Variants in PALM2AKAP2 observed in about 807,000 individuals in gnomAD.
The protein encoded by PALM2AKAP2 is PALM2-AKAP2 fusion protein.
PALM2AKAP2 carries 37 observed loss-of-function variants against 71.5 expected under a neutral mutation model. The observed-to-expected ratio is 0.52, with a 90% CI of 0.40 to 0.68. The LOEUF is 0.68. PALM2AKAP2 is among the 30% of genes least tolerant of loss of function. The pLI, the probability that PALM2AKAP2 is intolerant of heterozygous loss-of-function variation, is 0.00. For synonymous variants in PALM2AKAP2, 468 were observed against 478.8 expected, an observed-to-expected ratio of 0.98 and a Z score of 0.29; for missense variants, 1,224 against 1,191.8, an observed-to-expected ratio of 1.03 and a Z score of -0.40.
chr9:109,898,417 T>A (rs1335888375), intron 3 of PALM2AKAP2, among the ~76,000 whole-genome samples: 1 of 152,214 alleles, frequency 6.6e-6, no homozygotes, highest in African/African-American at 2.4e-5. Context: ...AAAACACATT[T>A]TTTTTCAGAG....
At chr9:109,722,804 T>C (rs985908717) in intron 1 of PALM2AKAP2, among the ~76,000 whole-genome samples, 1 of 152,114 alleles carries the variant, frequency 6.6e-6, no homozygotes, top group Admixed American at 6.6e-5. Context: ...ACACTTTAAA[T>C]TTTAAAATTC....
intron 1 of PALM2AKAP2, among the ~76,000 whole-genome samples, chr9:110,113,991 C>T (rs1268574845): frequency 6.6e-6 from 1 of 152,250 alleles, no homozygotes; most frequent in African/African-American, 2.4e-5. Flanking sequence ...CAGCTGCCTT[C>T]ACATTCTGTC....
At chr9:110,114,767 A>G (rs572919701) in intron 1 of PALM2AKAP2, among the ~76,000 whole-genome samples, 2 of 152,324 alleles carry the variant, frequency 1.3e-5, no homozygotes, top group East Asian at 3.9e-4. Context: ...GAGGCTTTGC[A>G]AGCAAATGGC....
rs75198209 is a variant in PALM2AKAP2, at chr9:109,770,746, G to A, written c.6-9742G>A. Among the ~76,000 whole-genome samples the A allele has an allele frequency of 4.8e-3, 737 of 152,262 alleles. 7 individuals are homozygous for A. Among genetic ancestry groups the A allele is most frequent in the African/African-American group, 0.017 (701 of 41,532 alleles). On this transcript the variant is annotated intron_variant, in intron 1 of 6. Transcript: ENST00000374531. The stretch of plus-strand genomic sequence containing the variant: ...CTCAGGAGTTTTTACTGGAACACAG[G>A]CATGTAGAAACACATCTAGAAGGAT...
intron 2 of PALM2AKAP2, among the ~76,000 whole-genome samples, chr9:109,875,985 A>G (rs1221971666): frequency 6.6e-6 from 1 of 152,130 alleles, no homozygotes; most frequent in Non-Finnish European, 1.5e-5. Context: ...ACAAATGTGA[A>G]GTTTGACAGT....
intron 1 of PALM2AKAP2, among the ~76,000 whole-genome samples, chr9:109,746,333 A>C (rs1411355244): frequency 6.6e-6 from 1 of 152,234 alleles, no homozygotes; most frequent in East Asian, 1.9e-4. Context: ...AAAGCTAGCC[A>C]GATAACTCCA....
At chr9:109,706,316 T>C (rs971346878) in intron 1 of PALM2AKAP2, among the ~76,000 whole-genome samples, 5 of 152,106 alleles carry the variant, frequency 3.3e-5, no homozygotes, top group Admixed American at 6.5e-5. Context: ...ATTTTTTTGA[T>C]ATTCACTACC....
intron 1 of PALM2AKAP2, among the ~76,000 whole-genome samples, chr9:109,748,337 C>T (rs535209385): frequency 9.2e-5 from 14 of 152,184 alleles, no homozygotes; most frequent in African/African-American, 3.1e-4. Flanking sequence ...GTTTCTCATT[C>T]CCAAAAGGAC....
intron 1 of PALM2AKAP2, among the ~76,000 whole-genome samples, chr9:109,726,851 C>G (rs1010912307): frequency 6.6e-6 from 1 of 152,214 alleles, no homozygotes; most frequent in African/African-American, 2.4e-5. Context: ...AGTTTCTCAG[C>G]AACTCTAGCC....
In PALM2AKAP2 at chr9:110,126,093, A is replaced by G. The variant is rs564434746; in HGVS notation, c.157-10034A>G. 2.6e-5 allele frequency among the ~76,000 whole-genome samples: 4 copies of G among 151,666 alleles called. No homozygotes were observed. The East Asian group carries it at 7.8e-4, about 29-fold the overall frequency. Reference sequence around the variant, plus strand: ...CATTCACAGGGTGGCCTGGGGGAATATGGTTTTGGGGGGAATGTGTGGTGC... The same window carrying G: ...CATTCACAGGGTGGCCTGGGGGAATGTGGTTTTGGGGGGAATGTGTGGTGC... On this transcript the variant is annotated intron_variant, in intron 1 of 3. Coordinates refer to ENST00000374525, the Ensembl canonical transcript of PALM2AKAP2.
intron 1 of PALM2AKAP2, among the ~76,000 whole-genome samples, chr9:110,132,900 A>G (rs184577224): frequency 3.3e-5 from 5 of 152,336 alleles, no homozygotes; most frequent in Non-Finnish European, 7.3e-5. Flanking sequence ...ATGAGCTATT[A>G]TTGCACCCTG....
At chr9:110,072,152 C>A (rs1302009414) in intron 1 of PALM2AKAP2, among the ~76,000 whole-genome samples, 1 of 151,956 alleles carries the variant, frequency 6.6e-6, no homozygotes, top group Non-Finnish European at 1.5e-5. Flanking sequence ...AACTACATTC[C>A]AATATAAAGC....
At chr9:109,943,608 G>A in intron 6 of PALM2AKAP2, 1 of 770,994 alleles carries the variant, frequency 1.3e-6, no homozygotes, top group South Asian at 1.9e-5. Context: ...ACGTGCATGT[G>A]TGTGCTTCAT....
chr9:110,047,416 G>A (rs551390258), upstream of PALM2AKAP2, among the ~76,000 whole-genome samples: 1 of 152,262 alleles, frequency 6.6e-6, no homozygotes, highest in East Asian at 1.9e-4. Context: ...AGTTCCCAAG[G>A]GTATCATTTC....
At chr9:109,837,101 A>G (rs1188064711) in intron 1 of PALM2AKAP2, among the ~76,000 whole-genome samples, 1 of 152,222 alleles carries the variant, frequency 6.6e-6, no homozygotes, top group African/African-American at 2.4e-5. Flanking sequence ...GTTGAAATGA[A>G]GGAAAAAATG....
At chr9:109,776,434 A>G (rs1458007473), upstream of PALM2AKAP2, among the ~76,000 whole-genome samples, 1 of 152,248 alleles carries the variant, frequency 6.6e-6, no homozygotes, top group African/African-American at 2.4e-5. Context: ...TAGATAGCTC[A>G]CAGGAGAGAT....
chr9:109,889,139 T>C (rs1028286396), intron 3 of PALM2AKAP2, among the ~76,000 whole-genome samples: 12 of 152,216 alleles, frequency 7.9e-5, no homozygotes, highest in Admixed American at 4.6e-4. Flanking sequence ...TTTCAGTTAC[T>C]TGAAAATAAA....
intron 1 of PALM2AKAP2, 104 bp from the exon 2 acceptor site, chr9:109,867,387 A>G (rs1829480769): frequency 7.6e-7 from 1 of 1,319,580 alleles, no homozygotes; most frequent in East Asian, 2.4e-5. Context: ...TGTCTCTGGA[A>G]GTGTCTATAC....
At chr9:109,953,834 CAAAAAAAA>C (rs34719180) in intron 6 of PALM2AKAP2, among the ~76,000 whole-genome samples, 2 of 48,628 alleles carry the variant, frequency 4.1e-5, no homozygotes, top group East Asian at 5.2e-4. Context: ...GACTCCATCT[CAAAAAAAA>C]AAAAAAAAAA....
Sources: gnomAD v4.1 joint callset for allele counts (sites outside exome capture counted in the v4.1 genomes callset) on GRCh38, gnomAD v4.1.1 for gene constraint, MANE v1.5 for transcripts, NCBI Gene and HGNC (gene_info 2026-07-23, HGNC 2026-07-21) for gene names.